Variants in SHISA9 observed in about 807,000 individuals in gnomAD.
SHISA9 encodes protein shisa-9.
SHISA9 carries 13 observed loss-of-function variants against 38.0 expected under a neutral mutation model. That is an observed-to-expected ratio of 0.34 (90% CI 0.22 to 0.54). The LOEUF (loss-of-function observed/expected upper bound fraction) is 0.54. SHISA9 is among the 20% of genes least tolerant of loss of function. SHISA9 has a pLI of 0.91. For synonymous variants in SHISA9, 275 were observed against 242.0 expected (o/e 1.14, Z -1.27); for missense variants, 538 against 575.8 (o/e 0.93, Z 0.67).
At chr16:12,940,493 C>G (rs2071596132) in intron 2 of SHISA9, among the ~76,000 whole-genome samples, 1 of 151,486 alleles carries the variant, frequency 6.6e-6, no homozygotes, top group Non-Finnish European at 1.5e-5. Flanking sequence ...GTTTAAATGT[C>G]AAGCCAATCA....
At chr16:13,244,876 C>T (rs1413119322), downstream of SHISA9, among the ~76,000 whole-genome samples, 1 of 152,184 alleles carries the variant, frequency 6.6e-6, no homozygotes, top group African/African-American at 2.4e-5. Context: ...TTGACAAAGT[C>T]CCAGGTCGGT....
chr16:13,209,105 C>G (rs2142061347), intron 3 of SHISA9, among the ~76,000 whole-genome samples: 1 of 152,252 alleles, frequency 6.6e-6, no homozygotes, highest in East Asian at 1.9e-4. Context: ...TGATAACACA[C>G]AGATAATGGC....
intron 2 of SHISA9, among the ~76,000 whole-genome samples, chr16:13,107,189 T>C (rs952458756): frequency 6.6e-6 from 1 of 151,992 alleles, no homozygotes; most frequent in African/African-American, 2.4e-5. Flanking sequence ...TCCCAGCACT[T>C]TGGGAGGCCG....
At chr16:13,021,824 A>T (rs1057253853) in intron 2 of SHISA9, among the ~76,000 whole-genome samples, 27 of 152,202 alleles carry the variant, frequency 1.8e-4, no homozygotes, top group African/African-American at 5.3e-4. Flanking sequence ...ATAACTGACC[A>T]TTCTTTTCTC....
the SHISA9 span, among the ~76,000 whole-genome samples, chr16:13,299,539 C>T: frequency 3.5e-4 from 53 of 152,056 alleles, no homozygotes; most frequent in Admixed American, 2.0e-3. Context: ...CATGGTGAAA[C>T]GCTCTCTGTA....
At chr16:13,463,974 A>T in the SHISA9 span, among the ~76,000 whole-genome samples, 4 of 152,266 alleles carry the variant, frequency 2.6e-5, no homozygotes, top group Non-Finnish European at 4.4e-5. Context: ...TTATGCCCAA[A>T]GGCAATGCTA....
chr16:13,354,494 C>A, the SHISA9 span, among the ~76,000 whole-genome samples: 1 of 150,968 alleles, frequency 6.6e-6, no homozygotes, highest in African/African-American at 2.4e-5. Flanking sequence ...GGAGACTCAA[C>A]AAAGAGTGAG....
At chr16:13,391,927 A>G in the SHISA9 span, among the ~76,000 whole-genome samples, 61 of 152,332 alleles carry the variant, frequency 4.0e-4, no homozygotes, top group African/African-American at 1.3e-3. Context: ...ATATTCTTCA[A>G]AAGTGACTAC....
chr16:13,162,781 A>G (rs2142014085), intron 2 of SHISA9, among the ~76,000 whole-genome samples: 1 of 152,280 alleles, frequency 6.6e-6, no homozygotes, highest in Non-Finnish European at 1.5e-5. Context: ...AAAAGATTCT[A>G]ATTGCTAGTG....
At chr16:13,533,989 T>C in the SHISA9 span, among the ~76,000 whole-genome samples, 1 of 152,056 alleles carries the variant, frequency 6.6e-6, no homozygotes. Context: ...TTCACCGTGT[T>C]AGCCAGGCTG....
At chr16:13,107,110 G>A (rs539461845) in intron 2 of SHISA9, among the ~76,000 whole-genome samples, 2 of 152,148 alleles carry the variant, frequency 1.3e-5, no homozygotes, top group African/African-American at 4.8e-5. Context: ...CCGAGTGAGG[G>A]AATGAACAAA....
intron 2 of SHISA9, among the ~76,000 whole-genome samples, chr16:13,041,817 T>A (rs1337774482): frequency 6.6e-6 from 1 of 152,108 alleles, no homozygotes; most frequent in East Asian, 1.9e-4. Context: ...ATTTAGTAGG[T>A]CTCTGGTGGG....
At chr16:13,200,440 A>ACACACACACACACACACACACACACAG (rs201359350) in intron 2 of SHISA9, among the ~76,000 whole-genome samples, 2 of 150,036 alleles carry the variant, frequency 1.3e-5, no homozygotes, top group African/African-American at 5.0e-5. Flanking sequence ...ACACACACAC[A>ACACACACACACACACACACACACACAG]CAGCAGCAGC....
At chr16:13,119,726 C>G (rs1354072500) in intron 2 of SHISA9, among the ~76,000 whole-genome samples, 1 of 152,204 alleles carries the variant, frequency 6.6e-6, no homozygotes, top group Admixed American at 6.5e-5. Flanking sequence ...ATTTCTTCCC[C>G]TAATCAGAGC....
In SHISA9 at chr16:13,021,546, C is replaced by G. The variant is rs577926575; in HGVS notation, c.691+104731C>G. 1.8e-3 allele frequency among the ~76,000 whole-genome samples: 267 copies of G among 152,278 alleles called. 1 individual carries two copies. Among genetic ancestry groups the G allele is most frequent in the African/African-American group, 6.3e-3 (260 of 41,564 alleles). On this transcript the variant is annotated intron_variant, in intron 2 of 4. Transcript: ENST00000558583. Reference sequence around the variant, plus strand: ...GTAAAACGTGGCTCAACCCATGTACCTGACTCAGAACAATCAGATGAACAA... The same window carrying G: ...GTAAAACGTGGCTCAACCCATGTACGTGACTCAGAACAATCAGATGAACAA...
chr16:13,314,440 G>A, the SHISA9 span, among the ~76,000 whole-genome samples: 10 of 151,944 alleles, frequency 6.6e-5, no homozygotes, highest in Non-Finnish European at 1.5e-4. Flanking sequence ...GGGTTTCACC[G>A]TGTTGGCCAG....
chr16:13,027,779 T>C (rs2072940866), intron 2 of SHISA9, among the ~76,000 whole-genome samples: 1 of 151,646 alleles, frequency 6.6e-6, no homozygotes, highest in South Asian at 2.1e-4. Flanking sequence ...GTACAAAAAT[T>C]AGCTGGGTAT....
the SHISA9 span, among the ~76,000 whole-genome samples, chr16:13,501,505 A>C: frequency 6.6e-6 from 1 of 152,230 alleles, no homozygotes; most frequent in African/African-American, 2.4e-5. Flanking sequence ...TGAGCATGTC[A>C]GTACATATGA....
At chr16:13,031,553 A>G (rs753638874) in intron 2 of SHISA9, among the ~76,000 whole-genome samples, 3 of 152,160 alleles carry the variant, frequency 2.0e-5, no homozygotes, top group Non-Finnish European at 2.9e-5. Flanking sequence ...ATTTATACAC[A>G]TATCACAGGA....
Sources: allele counts gnomAD v4.1 joint callset (sites outside exome capture counted in the v4.1 genomes callset), GRCh38; gene constraint gnomAD v4.1.1; transcripts MANE v1.5; gene names NCBI Gene and HGNC (gene_info 2026-07-23, HGNC 2026-07-21).